Variants in ARID5B observed in about 807,000 individuals in gnomAD.
ARID5B encodes AT-rich interaction domain 5B.
A neutral mutation model predicts 97.2 loss-of-function variants in ARID5B; 13 were observed. The observed-to-expected ratio is 0.13, with a 90% CI of 0.09 to 0.21. The LOEUF (loss-of-function observed/expected upper bound fraction) is 0.21, where lower values mean the gene tolerates loss of function less well. Ranked by LOEUF, ARID5B falls within the 10% of genes least tolerant of loss-of-function variation. The pLI, the probability that ARID5B is intolerant of heterozygous loss-of-function variation, is 1.00. For missense variants in ARID5B, 1,210 were observed against 1,465.3 expected (o/e 0.83, Z 2.84); for synonymous variants, 556 against 570.3 (o/e 0.97, Z 0.36).
rs73274372 is a variant in ARID5B at position 62,019,626 on chromosome 10, C to G, written c.733+19305C>G. 5.3e-3 allele frequency among the ~76,000 whole-genome samples: 809 copies of G among 152,282 alleles called. 13 individuals carry two copies. The highest frequency in any genetic ancestry group is 0.019 in the African/African-American group (780 of 41,534). ...ATTATTATGTATCCCATGTCATACACTACATGTCAGCACTTGAGGCTGTCT... is the reference window on the plus strand; with the variant it reads ...ATTATTATGTATCCCATGTCATACAGTACATGTCAGCACTTGAGGCTGTCT... On this transcript the variant is annotated intron_variant, in intron 4 of 9. Coordinates refer to ENST00000279873, the MANE Select transcript of ARID5B (RefSeq NM_032199.3).
chr10:62,021,736 G>A (rs76211814), intron 4 of ARID5B, among the ~76,000 whole-genome samples: 6,963 of 152,262 alleles, frequency 0.046, 190 homozygotes, highest in Middle Eastern at 0.079. Flanking sequence ...TTATTTCAGC[G>A]TTTCAAGGCA....
At chr10:61,998,096 T>A (rs1589252058) in intron 3 of ARID5B, among the ~76,000 whole-genome samples, 1 of 152,178 alleles carries the variant, frequency 6.6e-6, no homozygotes, top group Non-Finnish European at 1.5e-5. Flanking sequence ...TTAAAAGATG[T>A]CATCTTGTAA....
rs143121292 is a variant in ARID5B at position 61,956,210 on chromosome 10, C to G, written c.502+15802C>G. Among the ~76,000 whole-genome samples the G allele has an allele frequency of 2.6e-5, 4 of 152,322 alleles. No individual in the cohort carries two copies. The East Asian group carries it at 7.7e-4, about 29-fold the overall frequency. On this transcript the variant is annotated intron_variant, in intron 3 of 9. Coordinates refer to ENST00000279873, the MANE Select transcript of ARID5B (RefSeq NM_032199.3). ...CTGAACATTACTGCCTGAGCTTCAC[C>G]TCCCATCAAATCAGTAGTGGCATTA...
chr10:62,092,198 A>G lies in ARID5B; in HGVS notation c.2735A>G (p.Lys912Arg). ...DDQPTDLSLPKNPHKPTGKVL... is the reference protein window; with the variant it reads ...DDQPTDLSLPRNPHKPTGKVL... ...CAGCCTACAGATCTGAGCCTTCCCA[A>G]GAACCCGCACAAACCTACCGGCAAG... Residue 912 changes from lysine (K) to arginine (R), a missense_variant, in exon 10 of 10, where the codon AAG becomes AGG. By Grantham distance (26) the Lys-to-Arg change is conservative (BLOSUM62 2). Coordinates refer to ENST00000279873, the MANE Select transcript of ARID5B (RefSeq NM_032199.3). The G allele has an allele frequency of 6.2e-7, 1 of 1,610,750 alleles. No homozygotes were observed. The highest frequency in any genetic ancestry group is 8.5e-7 in the Non-Finnish European group (1 of 1,178,778).
chr10:61,908,868 T>G (rs1184124825), intron 2 of ARID5B, among the ~76,000 whole-genome samples: 2 of 151,040 alleles, frequency 1.3e-5, no homozygotes, highest in African/African-American at 4.9e-5. Context: ...CCAAACTGCC[T>G]TTGTAGACAG....
chr10:62,030,111 G>T (rs1056997429), intron 4 of ARID5B, among the ~76,000 whole-genome samples: 2 of 151,854 alleles, frequency 1.3e-5, no homozygotes, highest in Non-Finnish European at 2.9e-5. Context: ...AAAATGCAGG[G>T]TTTTTCTTTT....
In ARID5B at chr10:61,976,552, G is replaced by A. The variant is rs373537497; in HGVS notation, c.503-23539G>A. ...TGGATTGCTTTTTAGAGTGTATGCTGTTGAAACATCGAAGTGGTACATACT... is the reference window on the plus strand; with the variant it reads ...TGGATTGCTTTTTAGAGTGTATGCTATTGAAACATCGAAGTGGTACATACT... On this transcript the variant is annotated intron_variant, in intron 3 of 9. Transcript: ENST00000279873. Among the ~76,000 whole-genome samples the A allele has an allele frequency of 7.2e-5, 11 of 152,296 alleles. No homozygotes were observed. In the East Asian group the frequency reaches 1.7e-3, roughly 24 times the overall value.
chr10:62,044,088 G>C (rs1353065019), intron 4 of ARID5B, among the ~76,000 whole-genome samples: 1 of 151,794 alleles, frequency 6.6e-6, no homozygotes, highest in Non-Finnish European at 1.5e-5. Context: ...ACCCTTCCAG[G>C]AGGAAGAACA....
chr10:61,998,962 C>T (rs561589950), intron 3 of ARID5B, among the ~76,000 whole-genome samples: 69 of 152,334 alleles, frequency 4.5e-4, no homozygotes, highest in South Asian at 4.3e-3. Context: ...TACTCCAAGA[C>T]CCAGACTGGC....
rs1180338244 is a variant in ARID5B at position 61,944,731 on chromosome 10, T to G, written c.502+4323T>G. Among the ~76,000 whole-genome samples, 6 of 152,226 alleles carry G rather than the reference T, an allele frequency of 3.9e-5. 1 individual carries two copies. The highest frequency in any genetic ancestry group is 3.3e-4 in the Admixed American group (5 of 15,270). On this transcript the variant is annotated intron_variant, in intron 3 of 9. Transcript: ENST00000279873. The stretch of plus-strand genomic sequence containing the variant: ...TTGAGGCATACAACAGAATGTATTT[T>G]AGGCCAAGGTTATTAAAACAGCATT...
rs182821293 is a variant in ARID5B, at chr10:61,903,320, C to T, written c.276+907C>T. Among the ~76,000 whole-genome samples the T allele has an allele frequency of 8.4e-3, 1,274 of 152,162 alleles. 18 individuals carry two copies. Among genetic ancestry groups the T allele is most frequent in the Non-Finnish European group, 7.4e-3 (502 of 67,972 alleles). On this transcript the variant is annotated intron_variant, in intron 2 of 9. Coordinates refer to ENST00000279873, the MANE Select transcript of ARID5B (RefSeq NM_032199.3). ...ACGTTTCTGGGCGGCCGCGGGGGCGCTCGCCGCGCTCCCGGGAGGACGCCG... is the reference window on the plus strand; with the variant it reads ...ACGTTTCTGGGCGGCCGCGGGGGCGTTCGCCGCGCTCCCGGGAGGACGCCG...
In ARID5B at chr10:61,913,833, C is replaced by G. The variant is rs139436746; in HGVS notation, c.276+11420C>G. 1.8e-3 allele frequency among the ~76,000 whole-genome samples: 274 copies of G among 152,336 alleles called. 2 individuals carry two copies. The highest frequency in any genetic ancestry group is 6.4e-3 in the African/African-American group (268 of 41,568). ...ATGGCGCAATCTCAGCTCACCGCAACCTCCGCCTCCCAGATTCAAGCGATT... is the reference window on the plus strand; with the variant it reads ...ATGGCGCAATCTCAGCTCACCGCAAGCTCCGCCTCCCAGATTCAAGCGATT... On this transcript the variant is annotated intron_variant, in intron 2 of 9. Coordinates refer to ENST00000279873, the MANE Select transcript of ARID5B (RefSeq NM_032199.3).
chr10:61,934,633 C>G (rs1173762030), intron 2 of ARID5B, among the ~76,000 whole-genome samples: 2 of 152,132 alleles, frequency 1.3e-5, no homozygotes, highest in African/African-American at 4.8e-5. Flanking sequence ...GTGGAGCAGT[C>G]AGAACACAAA....
chr10:62,048,907 C>A (rs7902719), intron 4 of ARID5B, among the ~76,000 whole-genome samples: 78,154 of 151,504 alleles, frequency 0.52, 20,761 homozygotes, highest in East Asian at 0.64. Flanking sequence ...GAAATGCCTG[C>A]GACCTGCTAC....
At chr10:62,021,299 A>G (rs1188077170) in intron 4 of ARID5B, among the ~76,000 whole-genome samples, 2 of 152,102 alleles carry the variant, frequency 1.3e-5, no homozygotes, top group African/African-American at 4.8e-5. Flanking sequence ...TTGCTTTCCT[A>G]GCATGTTATT....
intron 7 of ARID5B, among the ~76,000 whole-genome samples, chr10:62,061,390 G>C (rs987812529): frequency 6.6e-6 from 1 of 152,216 alleles, no homozygotes; most frequent in Non-Finnish European, 1.5e-5. Flanking sequence ...GGTAGAATAA[G>C]GTTGGGCATG....
chr10:62,087,703 G>A (rs1198467904), intron 9 of ARID5B, among the ~76,000 whole-genome samples: 1 of 151,986 alleles, frequency 6.6e-6, no homozygotes, highest in African/African-American at 2.4e-5. Flanking sequence ...TGTACAACAC[G>A]CACCAACCTC....
intron 4 of ARID5B, among the ~76,000 whole-genome samples, chr10:62,049,036 T>G (rs1159288233): frequency 6.6e-6 from 1 of 152,264 alleles, no homozygotes; most frequent in African/African-American, 2.4e-5. Context: ...GAAACACTTC[T>G]GTGCTACACA....
At chr10:61,931,967 A>C (rs1354842098) in intron 2 of ARID5B, among the ~76,000 whole-genome samples, 1 of 152,202 alleles carries the variant, frequency 6.6e-6, no homozygotes, top group Non-Finnish European at 1.5e-5. Flanking sequence ...AATTACATCC[A>C]TACTTACCAT....
Sources: allele counts gnomAD v4.1 joint callset (sites outside exome capture counted in the v4.1 genomes callset), GRCh38; gene constraint gnomAD v4.1.1; transcripts MANE v1.5; gene names NCBI Gene and HGNC (gene_info 2026-07-23, HGNC 2026-07-21).